Variants in LIPK observed in about 807,000 individuals in gnomAD.
LIPK encodes lipase family member K.
Under a neutral mutation model 48.6 loss-of-function variants are expected in LIPK, and 32 were observed. That is an observed-to-expected ratio of 0.66 (90% confidence interval 0.50 to 0.88). The LOEUF is 0.88. Among genes scored for constraint, LIPK ranks in the 40% least tolerant of loss-of-function variants. The pLI is 0.00. For missense variants in LIPK, 507 were observed against 478.5 expected (o/e 1.06, Z -0.56); for synonymous variants, 164 against 157.4 (o/e 1.04, Z -0.32).
chr10:88,718,923 A>G (rs1842169758), intron 1 of LIPK, among the ~76,000 whole-genome samples: 1 of 152,210 alleles, frequency 6.6e-6, no homozygotes, highest in Non-Finnish European at 1.5e-5. Flanking sequence ...TGTTGGTACA[A>G]AATATGTTGT....
intron 1 of LIPK, among the ~76,000 whole-genome samples, chr10:88,721,112 A>G (rs997955351): frequency 4.2e-5 from 2 of 47,476 alleles, no homozygotes; most frequent in Non-Finnish European, 6.2e-5. Context: ...TATATTTCTT[A>G]GTCTAATATC....
intron 6 of LIPK, among the ~76,000 whole-genome samples, chr10:88,733,651 A>G (rs1354550269): frequency 6.6e-6 from 1 of 152,210 alleles, no homozygotes; most frequent in Non-Finnish European, 1.5e-5. Flanking sequence ...ACAATGTCAG[A>G]CTTTTTGCTT....
chr10:88,739,126 TG>T (rs2134764338), intron 7 of LIPK, among the ~76,000 whole-genome samples: 1 of 152,204 alleles, frequency 6.6e-6, no homozygotes, highest in East Asian at 1.9e-4. Flanking sequence ...TTTTTGTTCT[TG>T]TGTGTGTTTG....
intron 3 of LIPK, 53 bp downstream of exon 3, chr10:88,726,965 A>G: frequency 9.5e-7 from 1 of 1,052,842 alleles, no homozygotes; most frequent in Non-Finnish European, 1.4e-6. Flanking sequence ...AGGTACTTAG[A>G]TGTCCTGGGA....
chr10:88,740,082 T>A lies in LIPK; in HGVS notation c.888+15T>A. On this transcript the variant is annotated intron_variant, in intron 8 of 9. Transcript: ENST00000404190. Reference sequence around the variant, plus strand: ...ACTGGGCTCAGGTAAGTGCTTCTTATTCCTGCTTGATGCACACATATCTCT... The same window carrying A: ...ACTGGGCTCAGGTAAGTGCTTCTTAATCCTGCTTGATGCACACATATCTCT... The A allele has an allele frequency of 6.2e-7, 1 of 1,602,792 alleles. No homozygotes were observed. The highest frequency in any genetic ancestry group is 1.1e-5 in the South Asian group (1 of 90,488).
At chr10:88,733,499 G>GA (rs1206579678) in intron 6 of LIPK, among the ~76,000 whole-genome samples, 2 of 152,200 alleles carry the variant, frequency 1.3e-5, no homozygotes, top group African/African-American at 4.8e-5. Context: ...TATGGTGATT[G>GA]AAGTTCATAT....
At position 88,719,980 on chromosome 10, in the gene LIPK, T is replaced by C. The variant is rs144973957; in HGVS notation, c.-11-4553T>C. ...TTTGATATACAATATGTAAACCCAG[T>C]ATAAAATCAAACATGCATCAAGGCA... On this transcript the variant is annotated intron_variant, in intron 1 of 9. Coordinates refer to ENST00000404190, the MANE Select transcript of LIPK (RefSeq NM_001080518.2). 1.6e-3 allele frequency among the ~76,000 whole-genome samples: 249 copies of C among 152,262 alleles called. 3 individuals carry two copies. The highest frequency in any genetic ancestry group is 5.8e-3 in the African/African-American group (241 of 41,548).
Position 88,739,960 on chromosome 10 carries a change from T to A in LIPK, c.817-36T>A, listed in dbSNP as rs367576795. On this transcript the variant is annotated intron_variant, in intron 7 of 9. Coordinates refer to ENST00000404190, the MANE Select transcript of LIPK (RefSeq NM_001080518.2). ...AATGTTTACTTGTGGTATGATGATA[T>A]GATTAGCCTCTAGATGAGAAGTAAT... is the stretch of plus-strand genomic sequence containing the variant. The A allele has an allele frequency of 5.3e-5, 74 of 1,393,142 alleles. No individual in the cohort carries two copies. The Middle Eastern group carries it at 8.9e-4, about 17-fold the overall frequency. 86.3% of individuals were successfully genotyped at this position (1,393,142 alleles called of 1,614,324 possible).
At chr10:88,738,195 C>A (rs1052883430) in intron 7 of LIPK, among the ~76,000 whole-genome samples, 23 of 152,050 alleles carry the variant, frequency 1.5e-4, no homozygotes, top group Non-Finnish European at 3.1e-4. Context: ...CTTCCTTAAC[C>A]CAAAAGGATA....
At chr10:88,735,521 A>G (rs889080424) in intron 6 of LIPK, among the ~76,000 whole-genome samples, 9 of 152,192 alleles carry the variant, frequency 5.9e-5, no homozygotes, top group African/African-American at 2.2e-4. Context: ...GGTGGAAAAA[A>G]AAGTCTTTTT....
In LIPK at chr10:88,752,744, T is replaced by C. The variant is rs1357772135; in HGVS notation, c.1188T>C (p.Tyr396=). 22 of 1,545,028 alleles carry C rather than the reference T, an allele frequency of 1.4e-5. No individual in the cohort carries two copies. The highest frequency in any genetic ancestry group is 1.8e-5 in the Non-Finnish European group (21 of 1,139,300). Residue 396 remains tyrosine (Y), a synonymous_variant, in exon 10 of 10, where the codon TAT becomes TAC. Transcript: ENST00000404190. ...ACCTAATTATATTGATGGAAGAATA[T>C]TTACAAAATTAAATGCACTTTACTT... ...YQDLIILMEE[Y]LQN
chr10:88,711,376 G>A (rs1353938530), intron 1 of LIPK, among the ~76,000 whole-genome samples: 4 of 152,130 alleles, frequency 2.6e-5, no homozygotes, highest in Admixed American at 1.3e-4. Context: ...CTTTGTGTGC[G>A]TGGCAAGAGC....
chr10:88,707,884 T>C (rs1841964301), intron 1 of LIPK, among the ~76,000 whole-genome samples: 1 of 152,132 alleles, frequency 6.6e-6, no homozygotes, highest in African/African-American at 2.4e-5. Flanking sequence ...CCACTAATAG[T>C]TGTGAGTCAC....
At chr10:88,748,381 C>T (rs1842806095) in intron 9 of LIPK, among the ~76,000 whole-genome samples, 1 of 152,112 alleles carries the variant, frequency 6.6e-6, no homozygotes, top group African/African-American at 2.4e-5. Flanking sequence ...TGTATCCTGT[C>T]TGAGGCGGGC....
intron 3 of LIPK, among the ~76,000 whole-genome samples, chr10:88,729,510 G>A (rs1294854798): frequency 6.6e-6 from 1 of 152,150 alleles, no homozygotes; most frequent in Non-Finnish European, 1.5e-5. Flanking sequence ...ATACTCAAGA[G>A]AACTTTTAAG....
chr10:88,717,388 G>A (rs918509054), intron 1 of LIPK, among the ~76,000 whole-genome samples: 7 of 151,986 alleles, frequency 4.6e-5, no homozygotes, highest in East Asian at 3.9e-4. Flanking sequence ...CTTATATTCC[G>A]GTATTTTCTA....
chr10:88,737,258 C>G (rs1842590808), intron 6 of LIPK, among the ~76,000 whole-genome samples: 1 of 151,988 alleles, frequency 6.6e-6, no homozygotes, highest in African/African-American at 2.4e-5. Flanking sequence ...ACAGCCCTAC[C>G]CAGTAGAAAA....
chr10:88,729,914 T>A (rs1227336474), intron 3 of LIPK, among the ~76,000 whole-genome samples: 1 of 152,202 alleles, frequency 6.6e-6, no homozygotes, highest in African/African-American at 2.4e-5. Context: ...AGTCACTTCT[T>A]CCCTCTCTTC....
intron 2 of LIPK, among the ~76,000 whole-genome samples, chr10:88,724,969 T>C (rs1295798377): frequency 6.6e-6 from 1 of 152,344 alleles, no homozygotes; most frequent in East Asian, 1.9e-4. Flanking sequence ...GAGCAGTTTC[T>C]TTGATTTTGT....
Sources: allele counts gnomAD v4.1 joint callset (sites outside exome capture counted in the v4.1 genomes callset), GRCh38; gene constraint gnomAD v4.1.1; transcripts MANE v1.5; gene names NCBI Gene and HGNC (gene_info 2026-07-23, HGNC 2026-07-21).